Variants in SHOC1 observed in about 807,000 individuals in gnomAD.
SHOC1 encodes protein shortage in chiasmata 1 ortholog.
SHOC1 carries 136 observed loss-of-function variants against 179.2 expected under a neutral mutation model. That is an observed-to-expected ratio of 0.76 (90% CI 0.66 to 0.87). The LOEUF (loss-of-function observed/expected upper bound fraction) is 0.87, where lower values mean the gene tolerates loss of function less well. SHOC1 is among the 40% of genes least tolerant of loss of function. The pLI is 0.00. For synonymous variants in SHOC1, 489 were observed against 586.6 expected, an observed-to-expected ratio of 0.83 and a Z score of 2.41; for missense variants, 1,538 against 1,700.8, an observed-to-expected ratio of 0.90 and a Z score of 1.68.
At chr9:111,699,912 T>G in intron 24 of SHOC1, 42 bp downstream of exon 24, 1 of 1,375,628 alleles carries the variant, frequency 7.3e-7, no homozygotes, top group Non-Finnish European at 1.0e-6. Context: ...TAATTTTGGT[T>G]TATAAAAAAT....
intron 7 of SHOC1, among the ~76,000 whole-genome samples, chr9:111,757,488 T>C (rs769288573): frequency 6.6e-6 from 1 of 152,234 alleles, no homozygotes; most frequent in Non-Finnish European, 1.5e-5. Flanking sequence ...CAAAAAGTTA[T>C]TGCAATCGCA....
chr9:111,760,380 C>T (rs1124389), intron 5 of SHOC1, among the ~76,000 whole-genome samples: 122,226 of 152,104 alleles, frequency 0.8, 49,285 homozygotes, highest in East Asian at 0.92. Flanking sequence ...ACAGCTAATA[C>T]ATGTACTATA....
chr9:111,767,083 G>C (rs1203564074), intron 5 of SHOC1, among the ~76,000 whole-genome samples: 1 of 151,758 alleles, frequency 6.6e-6, no homozygotes, highest in Non-Finnish European at 1.5e-5. Flanking sequence ...TGTATATTAT[G>C]GTTATTAATC....
intron 12 of SHOC1, among the ~76,000 whole-genome samples, chr9:111,732,910 T>C (rs913377495): frequency 6.6e-6 from 1 of 152,194 alleles, no homozygotes; most frequent in African/African-American, 2.4e-5. Context: ...ACAGTTAAAA[T>C]AGGTGCAGTC....
At chr9:111,746,835 A>C (rs1296166044) in intron 9 of SHOC1, among the ~76,000 whole-genome samples, 4 of 152,146 alleles carry the variant, frequency 2.6e-5, no homozygotes, top group Non-Finnish European at 4.4e-5. Context: ...TATATATAAC[A>C]TTGTGTCTCA....
rs147316822 is a variant in SHOC1, at chr9:111,718,356, C to G, written c.2132-68G>C. ...ACAGTTTTAGAATATGTATCAGAAT[C>G]TGCCTAATAATGGGAGCTAACATTT... On this transcript the variant is annotated intron_variant, in intron 15 of 27. Coordinates refer to ENST00000682961, the MANE Select transcript of SHOC1 (RefSeq NM_001378211.1). The G allele has an allele frequency of 4.7e-4, 482 of 1,020,322 alleles. 4 individuals are homozygous for G. In the African/African-American group the frequency reaches 7.2e-3, roughly 15 times the overall value. The allele number at this position is 1,020,322 out of a possible 1,614,324, so 63.2% of individuals were successfully genotyped here.
Position 111,775,885 on chromosome 9 carries a change from C to G in SHOC1, c.348G>C (p.Glu116Asp), listed in dbSNP as rs1186035910. Residue 116 changes from glutamate to aspartate, a missense_variant, in exon 5 of 28, where the codon GAG becomes GAC. Glu to Asp is a conservative substitution (Grantham distance 45). Transcript: ENST00000682961. ...CCATGTGGGTGTATAAACTGACCTC[C>G]TCTACTTCAATTTGGGAGTCTGGAT... The part of the protein sequence containing the change: ...SSNPDSQIEV[E>D]EVSLYTHMDY... 6.2e-7 allele frequency: 1 copy of G among 1,613,634 alleles called. No individual in the cohort carries two copies.
rs555454491 is a variant in SHOC1, at chr9:111,741,933, A to C, written c.1080-363T>G. ...AGGTGTGAGCCACCGCGCCTGGCCC[A>C]AAATTTTATTTTTAAAAAGTATTTT... On this transcript the variant is annotated intron_variant, in intron 10 of 27. Transcript: ENST00000682961. Among the ~76,000 whole-genome samples the C allele has an allele frequency of 2.6e-5, 4 of 152,284 alleles. No individual in the cohort carries two copies. The East Asian group carries it at 7.7e-4, about 29-fold the overall frequency.
intron 12 of SHOC1, 30 bp from the exon 13 acceptor site, chr9:111,728,079 A>AACTT (rs750075268): frequency 6.9e-7 from 1 of 1,458,288 alleles, no homozygotes; most frequent in African/African-American, 1.4e-5. Context: ...ACACACAAGT[A>AACTT]ACTTCCACAC....
intron 27 of SHOC1, among the ~76,000 whole-genome samples, chr9:111,690,328 A>T (rs749649014): frequency 6.6e-6 from 1 of 152,198 alleles, no homozygotes; most frequent in Non-Finnish European, 1.5e-5. Context: ...TGGGAGGCTA[A>T]GATGGGAGGA....
intron 5 of SHOC1, among the ~76,000 whole-genome samples, chr9:111,760,535 A>C (rs998620700): frequency 1.3e-5 from 2 of 152,162 alleles, no homozygotes; most frequent in African/African-American, 4.8e-5. Flanking sequence ...TACAAAGGAC[A>C]CTTTTGTCTC....
intron 18 of SHOC1, among the ~76,000 whole-genome samples, chr9:111,708,504 A>G (rs1056227244): frequency 2.0e-5 from 3 of 152,148 alleles, no homozygotes; most frequent in East Asian, 3.8e-4. Context: ...ACCCCATAGA[A>G]ACTTAATTTT....
intron 5 of SHOC1, among the ~76,000 whole-genome samples, chr9:111,773,802 A>G (rs1835720048): frequency 6.6e-6 from 1 of 152,154 alleles, no homozygotes; most frequent in Admixed American, 6.5e-5. Context: ...TTTTAAAGAT[A>G]TATGTGTTTT....
chr9:111,773,494 TAG>T (rs910574963), intron 5 of SHOC1, among the ~76,000 whole-genome samples: 2 of 152,036 alleles, frequency 1.3e-5, no homozygotes, highest in African/African-American at 4.8e-5. Context: ...GTATTTTTGG[TAG>T]AGACAGGGTT....
chr9:111,688,563 A>G (rs1831285979), intron 27 of SHOC1, among the ~76,000 whole-genome samples: 1 of 152,198 alleles, frequency 6.6e-6, no homozygotes, highest in African/African-American at 2.4e-5. Context: ...CAAGTCAGAT[A>G]AAGAATCATC....
chr9:111,717,485 T>TG (rs1406447112), intron 16 of SHOC1, among the ~76,000 whole-genome samples: 4 of 149,858 alleles, frequency 2.7e-5, no homozygotes, highest in Non-Finnish European at 5.9e-5. Context: ...TCCAGCTTCC[T>TG]GGGGGGCTGA....
At chr9:111,721,972 G>A (rs1048112773) in intron 15 of SHOC1, among the ~76,000 whole-genome samples, 35 of 152,106 alleles carry the variant, frequency 2.3e-4, no homozygotes, top group African/African-American at 8.4e-4. Context: ...CTGGTTTAAT[G>A]TATTTTATCT....
intron 18 of SHOC1, among the ~76,000 whole-genome samples, chr9:111,710,773 G>A (rs1210828666): frequency 6.6e-6 from 1 of 152,124 alleles, no homozygotes; most frequent in Non-Finnish European, 1.5e-5. Context: ...TTTTAAAAAT[G>A]TGTAGGAGTT....
chr9:111,778,529 G>A (rs1229413530), intron 4 of SHOC1, among the ~76,000 whole-genome samples: 1 of 152,116 alleles, frequency 6.6e-6, no homozygotes, highest in Non-Finnish European at 1.5e-5. Context: ...GCAGTTTTGA[G>A]AGGCTGTGGT....
Sources: gnomAD v4.1 joint callset for allele counts (sites outside exome capture counted in the v4.1 genomes callset) on GRCh38, gnomAD v4.1.1 for gene constraint, MANE v1.5 for transcripts, NCBI Gene and HGNC (gene_info 2026-07-23, HGNC 2026-07-21) for gene names.